Variants in SBF2 observed in about 807,000 individuals in gnomAD.
The protein encoded by SBF2 is SET binding factor 2.
A neutral mutation model predicts 225.2 loss-of-function variants in SBF2; 112 were observed. The observed-to-expected ratio is 0.50, with a 90% CI of 0.43 to 0.58. SBF2 has a LOEUF of 0.58. Ranked by LOEUF, SBF2 falls within the 20% of genes least tolerant of loss-of-function variation. SBF2 has a pLI of 0.00. For synonymous variants in SBF2, 763 were observed against 773.3 expected (o/e 0.99, Z 0.22); for missense variants, 1,996 against 2,206.2 (o/e 0.90, Z 1.91).
At chr11:9,838,980 A>G (rs1855911946) in intron 26 of SBF2, 1 of 174,492 alleles carries the variant, frequency 5.7e-6, no homozygotes, top group Non-Finnish European at 1.2e-5. Context: ...AGCCTTGCCT[A>G]CACCTGGGTC....
Position 9,939,159 on chromosome 11 carries a change from G to A in SBF2, c.1860+22798C>T, listed in dbSNP as rs933935962. Reference sequence around the variant, plus strand: ...CGCCTAGGCTGGAGTGCAGTGGTGCGATCTCGGCTCACTGCAACCTCTGCC... The same window carrying A: ...CGCCTAGGCTGGAGTGCAGTGGTGCAATCTCGGCTCACTGCAACCTCTGCC... On this transcript the variant is annotated intron_variant, in intron 16 of 39. Coordinates refer to ENST00000256190, the MANE Select transcript of SBF2 (RefSeq NM_030962.4). Among the ~76,000 whole-genome samples, 15 of 152,112 alleles carry A rather than the reference G, an allele frequency of 9.9e-5. No individual in the cohort carries two copies. In the East Asian group the frequency reaches 1.5e-3, roughly 16 times the overall value.
chr11:10,006,491 T>C (rs1263935521), intron 6 of SBF2, among the ~76,000 whole-genome samples: 6 of 152,186 alleles, frequency 3.9e-5, no homozygotes, highest in African/African-American at 1.4e-4. Context: ...TAGGGCCTCA[T>C]TCTAGCCCTT....
intron 13 of SBF2, among the ~76,000 whole-genome samples, chr11:9,974,055 C>T (rs544161371): frequency 6.6e-6 from 1 of 152,074 alleles, no homozygotes; most frequent in Admixed American, 6.6e-5. Context: ...ATTGTCAAAA[C>T]GTAACTGGAC....
At chr11:9,979,260 T>C (rs1946838413) in intron 13 of SBF2, among the ~76,000 whole-genome samples, 1 of 152,204 alleles carries the variant, frequency 6.6e-6, no homozygotes, top group Non-Finnish European at 1.5e-5. Flanking sequence ...CTTAATTCCA[T>C]GCCTGGCACA....
intron 1 of SBF2, among the ~76,000 whole-genome samples, chr11:10,229,193 T>G (rs1007531453): frequency 6.6e-6 from 1 of 152,198 alleles, no homozygotes; most frequent in African/African-American, 2.4e-5. Flanking sequence ...TGCATCTATT[T>G]GATTCTTCTC....
In SBF2 at chr11:10,011,317, C is replaced by T. The variant is rs557247529; in HGVS notation, c.620-8628G>A. ...TCTTGGCTCACTGCAACCTCTGCCTCCCAGGTTTAAATGATCCTTCCACCT... is the reference window on the plus strand; with the variant it reads ...TCTTGGCTCACTGCAACCTCTGCCTTCCAGGTTTAAATGATCCTTCCACCT... On this transcript the variant is annotated intron_variant, in intron 6 of 39. Coordinates refer to ENST00000256190, the MANE Select transcript of SBF2 (RefSeq NM_030962.4). Among the ~76,000 whole-genome samples the T allele has an allele frequency of 1.3e-3, 198 of 152,256 alleles. 1 individual carries two copies. The highest frequency in any genetic ancestry group is 4.6e-3 in the African/African-American group (190 of 41,542).
intron 16 of SBF2, among the ~76,000 whole-genome samples, chr11:9,904,658 A>G (rs1372039697): frequency 2.6e-5 from 4 of 152,212 alleles, no homozygotes; most frequent in African/African-American, 9.7e-5. Flanking sequence ...TCTAATGGAC[A>G]CTGCACTTTC....
chr11:9,816,030 T>G (rs943866597), intron 29 of SBF2, among the ~76,000 whole-genome samples: 2 of 152,206 alleles, frequency 1.3e-5, no homozygotes, highest in African/African-American at 2.4e-5. Context: ...GAGGTCTGTC[T>G]AGGTTGTCCA....
intron 2 of SBF2, among the ~76,000 whole-genome samples, chr11:10,047,626 C>T (rs1002035979): frequency 2.6e-5 from 4 of 152,056 alleles, no homozygotes; most frequent in African/African-American, 4.8e-5. Flanking sequence ...TTTGTACAGA[C>T]GTTTTCCAAA....
chr11:10,273,886 C>G (rs1272245130), intron 1 of SBF2, among the ~76,000 whole-genome samples: 1 of 152,158 alleles, frequency 6.6e-6, no homozygotes, highest in Non-Finnish European at 1.5e-5. Flanking sequence ...CTTAAGGAAA[C>G]ATGCTGAAAG....
intron 1 of SBF2, among the ~76,000 whole-genome samples, chr11:10,235,913 T>C (rs935311316): frequency 6.6e-6 from 1 of 151,988 alleles, no homozygotes; most frequent in African/African-American, 2.4e-5. Flanking sequence ...CCACAAATAA[T>C]AGAAACAATT....
At chr11:9,839,366 A>G in intron 26 of SBF2, 132 bp downstream of exon 26, 1 of 896,666 alleles carries the variant, frequency 1.1e-6, no homozygotes, top group South Asian at 1.3e-5. Context: ...GCTTGCTCGT[A>G]TCCTGGAGAC....
chr11:9,854,961 G>C (rs1169149377), intron 19 of SBF2, among the ~76,000 whole-genome samples: 3 of 152,208 alleles, frequency 2.0e-5, no homozygotes, highest in African/African-American at 7.2e-5. Flanking sequence ...ACTGGCAATG[G>C]AGAATGGAGA....
intron 2 of SBF2, among the ~76,000 whole-genome samples, chr11:10,089,208 C>T (rs1259779986): frequency 6.6e-6 from 1 of 152,180 alleles, no homozygotes; most frequent in Non-Finnish European, 1.5e-5. Flanking sequence ...ACCCCTCCCA[C>T]CTTTAAGTCT....
At chr11:10,242,246 T>C (rs1386148743) in intron 1 of SBF2, among the ~76,000 whole-genome samples, 1 of 152,006 alleles carries the variant, frequency 6.6e-6, no homozygotes, top group African/African-American at 2.4e-5. Context: ...GCATTATAAG[T>C]GTATAGTTTT....
At chr11:10,291,404 T>G (rs1447820114) in intron 1 of SBF2, among the ~76,000 whole-genome samples, 1 of 152,208 alleles carries the variant, frequency 6.6e-6, no homozygotes, top group Non-Finnish European at 1.5e-5. Flanking sequence ...TGGATTTCTC[T>G]GCCTCCAGAC....
rs1261189365 is a variant in SBF2 at position 9,873,241 on chromosome 11, A to C, written c.1930-14845T>G. 2.6e-5 allele frequency among the ~76,000 whole-genome samples: 4 copies of C among 152,016 alleles called. No individual in the cohort carries two copies. The East Asian group carries it at 7.7e-4, about 29-fold the overall frequency. ...AAAAAAAAAAAAAAAAGTTACTAAA[A>C]AATGCTCTATGTAGTTTGTCACAAA... On this transcript the variant is annotated intron_variant, in intron 17 of 39. Coordinates refer to ENST00000256190, the MANE Select transcript of SBF2 (RefSeq NM_030962.4).
At chr11:10,071,518 G>A (rs558150488) in intron 2 of SBF2, among the ~76,000 whole-genome samples, 10 of 152,076 alleles carry the variant, frequency 6.6e-5, no homozygotes, top group South Asian at 6.2e-4. Context: ...CACCTGCCTC[G>A]GCCTCCCAAA....
intron 2 of SBF2, among the ~76,000 whole-genome samples, chr11:10,179,136 T>C (rs565434786): frequency 7.5e-4 from 114 of 151,124 alleles, no homozygotes; most frequent in East Asian, 1.2e-3. Context: ...TAGGTGGGAA[T>C]TGAACAATGA....
Sources: allele counts gnomAD v4.1 joint callset (sites outside exome capture counted in the v4.1 genomes callset), GRCh38; gene constraint gnomAD v4.1.1; transcripts MANE v1.5; gene names NCBI Gene and HGNC (gene_info 2026-07-23, HGNC 2026-07-21).